The following MPDZ variants were observed in gnomAD, a reference collection of about 807,000 sequenced individuals.
MPDZ encodes multiple PDZ domain protein.
MPDZ carries 234 observed loss-of-function variants against 239.1 expected under a neutral mutation model. That is an observed-to-expected ratio of 0.98 (90% confidence interval 0.88 to 1.09). The LOEUF is 1.09. MPDZ is among the 50% of genes least tolerant of loss of function. MPDZ has a pLI of 0.00. For synonymous variants in MPDZ, 1,048 were observed against 881.3 expected, an observed-to-expected ratio of 1.19 and a Z score of -3.35; for missense variants, 3,175 against 2,510.0, an observed-to-expected ratio of 1.26 and a Z score of -5.66.
chr9:13,152,739 G>T (rs577336861), intron 24 of MPDZ, among the ~76,000 whole-genome samples: 20 of 151,942 alleles, frequency 1.3e-4, no homozygotes, highest in African/African-American at 4.6e-4. Context: ...GTATGCTCCC[G>T]CCTTGGGGCC....
chr9:13,263,039 A>G (rs527295795), intron 1 of MPDZ, among the ~76,000 whole-genome samples: 1 of 152,160 alleles, frequency 6.6e-6, no homozygotes, highest in African/African-American at 2.4e-5. Context: ...TTGTGTAAGG[A>G]AACTGTATTT....
At chr9:13,146,294 T>C (rs1209307665) in intron 26 of MPDZ, among the ~76,000 whole-genome samples, 1 of 152,010 alleles carries the variant, frequency 6.6e-6, no homozygotes, top group African/African-American at 2.4e-5. Flanking sequence ...TCTGGTCACT[T>C]TACAGTCCAT....
intron 32 of MPDZ, among the ~76,000 whole-genome samples, chr9:13,130,456 T>TAC (rs35875298): frequency 1 from 151,736 of 152,228 alleles, 75,623 homozygotes; most frequent in Middle Eastern, 1. Context: ...CGCAGATACT[T>TAC]ACAGTCTGAA....
intron 3 of MPDZ, among the ~76,000 whole-genome samples, chr9:13,244,487 T>C (rs946094387): frequency 5.3e-5 from 8 of 152,164 alleles, no homozygotes; most frequent in Non-Finnish European, 8.8e-5. Flanking sequence ...CCAGAGCTAT[T>C]AGAGATTATT....
At chr9:13,144,470 GCTAT>G (rs1948172569) in intron 26 of MPDZ, among the ~76,000 whole-genome samples, 1 of 151,788 alleles carries the variant, frequency 6.6e-6, no homozygotes, top group African/African-American at 2.4e-5. Flanking sequence ...TTTCACACCC[GCTAT>G]CTTTTTCTTT....
At chr9:13,133,378 T>C (rs1946287313) in intron 32 of MPDZ, among the ~76,000 whole-genome samples, 1 of 152,232 alleles carries the variant, frequency 6.6e-6, no homozygotes, top group Non-Finnish European at 1.5e-5. Context: ...ATTGCCTTTT[T>C]AAGGCAATCA....
At chr9:13,224,212 T>C (rs758374910) in intron 4 of MPDZ, among the ~76,000 whole-genome samples, 162 bp downstream of exon 4, 1 of 152,082 alleles carries the variant, frequency 6.6e-6, no homozygotes, top group Non-Finnish European at 1.5e-5. Flanking sequence ...AAAACTGTAA[T>C]AGAAAACGTC....
rs755487892 is a variant in MPDZ at position 13,198,737 on chromosome 9, C to CTCTGTGTGTGTGTGTGTGTGTGTGTG, written c.1547-2508_1547-2507insCACACACACACACACACACACACAGA. Reference sequence around the variant, plus strand: ...ATATTTAGGTCTTTAATCTCTCTCTCTGTGTGTGTGTGTGTGTGTGTGTGT... The same window carrying CTCTGTGTGTGTGTGTGTGTGTGTGTG: ...ATATTTAGGTCTTTAATCTCTCTCTCTCTGTGTGTGTGTGTGTGTGTGTGTGTGTGTGTGTGTGTGTGTGTGTGTGT... On this transcript the variant is annotated intron_variant, in intron 12 of 46. Coordinates refer to ENST00000319217, the MANE Select transcript of MPDZ (RefSeq NM_001378778.1). 4.5e-3 allele frequency among the ~76,000 whole-genome samples: 315 copies of CTCTGTGTGTGTGTGTGTGTGTGTGTG among 69,640 alleles called. 5 individuals are homozygous for CTCTGTGTGTGTGTGTGTGTGTGTGTG. The highest frequency in any genetic ancestry group is 6.3e-3 in the Non-Finnish European group (217 of 34,426). The allele number at this position is 69,640 out of a possible 152,430, so 45.7% of individuals were successfully genotyped here.
chr9:13,161,095 C>T (rs1333780299), intron 23 of MPDZ, among the ~76,000 whole-genome samples: 1 of 151,466 alleles, frequency 6.6e-6, no homozygotes, highest in Non-Finnish European at 1.5e-5. Flanking sequence ...ATTCATGAGG[C>T]CCCAAGGACC....
intron 4 of MPDZ, among the ~76,000 whole-genome samples, chr9:13,224,053 A>G (rs558263491): frequency 6.6e-5 from 10 of 152,048 alleles, no homozygotes; most frequent in African/African-American, 2.4e-4. Flanking sequence ...TTAAAAGCCA[A>G]TTACTGCAGT....
intron 5 of MPDZ, 70 bp downstream of exon 5, chr9:13,223,501 A>G: frequency 6.8e-7 from 1 of 1,471,838 alleles, no homozygotes; most frequent in Non-Finnish European, 9.0e-7. Context: ...ATTTTTCTAA[A>G]TTCCTGCATA....
chr9:13,206,073 A>G lies in MPDZ; in HGVS notation c.1317T>C (p.Phe439=), dbSNP rs866365101. 1 of 1,610,960 alleles carries G rather than the reference A, an allele frequency of 6.2e-7. No individual in the cohort carries two copies. The highest frequency in any genetic ancestry group is 8.5e-7 in the Non-Finnish European group (1 of 1,178,714). ...IAVDGTNLQG[F]TNQQAVEVLR... ...ATACCTCTACTGCTTGCTGATTAGTAAAACCCTGAAGGTTTGTGCCATCTA... is the reference window on the plus strand; with the variant it reads ...ATACCTCTACTGCTTGCTGATTAGTGAAACCCTGAAGGTTTGTGCCATCTA... Residue 439 remains phenylalanine (F), a synonymous_variant, in exon 11 of 47, where the codon TTT becomes TTC. Coordinates refer to ENST00000319217, the MANE Select transcript of MPDZ (RefSeq NM_001378778.1).
chr9:13,236,263 ATATATTTTTTTTTT>A (rs1399137560), intron 3 of MPDZ, among the ~76,000 whole-genome samples: 1 of 13,820 alleles, frequency 7.2e-5, no homozygotes, highest in African/African-American at 1.6e-4. Context: ...ATATATATAT[ATATATTTTTTTTTT>A]TTTTTTTTTT....
chr9:13,205,236 C>T (rs1449224421), intron 11 of MPDZ, 129 bp from the exon 12 acceptor site: 3 of 485,366 alleles, frequency 6.2e-6, no homozygotes, highest in Non-Finnish European at 1.0e-5. Flanking sequence ...TTCTCAATAA[C>T]TATATGTACT....
At chr9:13,150,482 T>G in intron 25 of MPDZ, 29 bp downstream of exon 25, 1 of 1,437,840 alleles carries the variant, frequency 7.0e-7, no homozygotes, top group Non-Finnish European at 9.2e-7. Context: ...ACAAACAAAT[T>G]TTAGCACAGA....
intron 3 of MPDZ, among the ~76,000 whole-genome samples, chr9:13,245,705 G>C (rs1443920690): frequency 1.3e-5 from 2 of 152,118 alleles, no homozygotes; most frequent in Non-Finnish European, 2.9e-5. Context: ...AAAATAATAA[G>C]ATAATGCTGT....
At chr9:13,273,307 A>G (rs1262914152) in intron 1 of MPDZ, among the ~76,000 whole-genome samples, 6 of 152,200 alleles carry the variant, frequency 3.9e-5, no homozygotes, top group Non-Finnish European at 7.3e-5. Flanking sequence ...GAGTTTTTAA[A>G]TTGTAGAATA....
At chr9:13,206,578 T>G (rs1265104357) in intron 10 of MPDZ, among the ~76,000 whole-genome samples, 1 of 150,608 alleles carries the variant, frequency 6.6e-6, no homozygotes, top group East Asian at 2.0e-4. Context: ...TCTTTCTCAC[T>G]CTGTCACCAG....
intron 3 of MPDZ, among the ~76,000 whole-genome samples, chr9:13,235,463 T>C (rs1406879945): frequency 6.6e-6 from 1 of 152,182 alleles, no homozygotes; most frequent in African/African-American, 2.4e-5. Flanking sequence ...ATGCTTTCCA[T>C]AATCACTAAT....
Sources: allele counts gnomAD v4.1 joint callset (sites outside exome capture counted in the v4.1 genomes callset), GRCh38; gene constraint gnomAD v4.1.1; transcripts MANE v1.5; gene names NCBI Gene and HGNC (gene_info 2026-07-23, HGNC 2026-07-21).